Variants in BIN1 observed in about 807,000 individuals in gnomAD.
BIN1 encodes the protein myc box-dependent-interacting protein 1.
A neutral mutation model predicts 82.0 loss-of-function variants in BIN1; 53 were observed. The ratio of observed to expected loss-of-function variants is 0.65; its 90% CI spans 0.52 to 0.81. The LOEUF is 0.81. BIN1 is among the 40% of genes least tolerant of loss of function. BIN1 has a pLI of 0.00. For synonymous variants in BIN1, 302 were observed against 328.0 expected (o/e 0.92, Z 0.86); for missense variants, 642 against 784.4 (o/e 0.82, Z 2.17).
Position 127,048,247 on chromosome 2 carries a change from C to A in BIN1, c.*279G>T, listed in dbSNP as rs1272586418. ...CTCGGCAGCCCCCAGCCCCGCCCTGCGGCCAGGCACACATGCGGGCACAGG... is the reference window on the plus strand; with the variant it reads ...CTCGGCAGCCCCCAGCCCCGCCCTGAGGCCAGGCACACATGCGGGCACAGG... On this transcript the variant is annotated 3_prime_UTR_variant, in exon 19 of 19. Coordinates refer to ENST00000316724, the MANE Select transcript of BIN1 (RefSeq NM_139343.3). 4 of 449,474 alleles carry A rather than the reference C, an allele frequency of 8.9e-6. No homozygotes were observed. The highest frequency in any genetic ancestry group is 1.6e-5 in the Non-Finnish European group (4 of 242,472). The allele number at this position is 449,474 out of a possible 1,614,324, so 27.8% of individuals were successfully genotyped here. A position where few individuals can be genotyped will look rare whatever the true frequency, so the allele number is the denominator to read the frequency against.
chr2:127,069,275 C>T (rs1046865051), intron 5 of BIN1, among the ~76,000 whole-genome samples: 4 of 152,180 alleles, frequency 2.6e-5, no homozygotes, highest in African/African-American at 9.7e-5. Flanking sequence ...CAGCTGGTGA[C>T]GTGTCAGCCA....
intron 1 of BIN1, among the ~76,000 whole-genome samples, chr2:127,079,868 A>G (rs548828609): frequency 1.3e-5 from 2 of 152,278 alleles, no homozygotes; most frequent in African/African-American, 4.8e-5. Flanking sequence ...GGCTCCTCCC[A>G]GACAAAATGG....
chr2:127,073,909 C>G (rs1686252390), intron 2 of BIN1, among the ~76,000 whole-genome samples: 1 of 152,136 alleles, frequency 6.6e-6, no homozygotes, highest in Admixed American at 6.5e-5. Flanking sequence ...CCCATGGGCT[C>G]TCAGAGCAGG....
Position 127,059,181 on chromosome 2 carries a change from C to A in BIN1, c.858-26G>T. ...CTGTGGGGGAGGACAAGAAAGGGAG[C>A]CCAGTGTTGGGGGGCCAAGGCACAG... On this transcript the variant is annotated intron_variant, in intron 10 of 18. Coordinates refer to ENST00000316724, the MANE Select transcript of BIN1 (RefSeq NM_139343.3). This position sits in a 1 kb window ranked among gnomAD's most constrained non-coding sequence, Gnocchi z 6.7. 1 of 1,558,684 alleles carries A rather than the reference C, an allele frequency of 6.4e-7. No homozygotes were observed. The highest frequency in any genetic ancestry group is 1.9e-5 in the Admixed American group (1 of 51,998).
rs1685460534 is a variant in BIN1, at chr2:127,068,597, T to C, written c.519+327A>G. Among the ~76,000 whole-genome samples the C allele has an allele frequency of 6.6e-6, 1 of 152,138 alleles. No individual in the cohort carries two copies. The highest frequency in any genetic ancestry group is 6.5e-5 in the Admixed American group (1 of 15,290). ...TCGCTCCAGCCAGGGACAGGTCGCC[T>C]GGGATCGCGTGACGAATTCCACCCG... On this transcript the variant is annotated intron_variant, in intron 6 of 18. Transcript: ENST00000316724. This position sits in a 1 kb window ranked among gnomAD's most constrained non-coding sequence, Gnocchi z 4.9.
At chr2:127,077,659 T>G (rs6714626) in intron 1 of BIN1, among the ~76,000 whole-genome samples, 36,315 of 151,260 alleles carry the variant, frequency 0.24, 4,909 homozygotes, top group African/African-American at 0.36. Context: ...GGAGCGGTGG[T>G]GGGGCACGGT....
rs148945502 is a variant in BIN1, at chr2:127,057,557, C to T, written c.1047G>A (p.Pro349=). ...TCTGCTCCTGCTTGACTTCCTTGGA[C>T]GGGGTGTGTTTGGGAGGCGGAGGGA... ...PPVPPPPKHT[P]SKEVKQEQIL... The change falls in exon 12 of 19, where the codon CCG becomes CCA. Residue 349 remains proline, a synonymous_variant. Transcript: ENST00000316724. This position sits in a 1 kb window ranked among gnomAD's most constrained non-coding sequence, Gnocchi z 5.0. 103 of 1,543,466 alleles carry T rather than the reference C, an allele frequency of 6.7e-5. No individual in the cohort carries two copies. The highest frequency in any genetic ancestry group is 3.2e-4 in the Admixed American group (16 of 50,592).
intron 1 of BIN1, among the ~76,000 whole-genome samples, chr2:127,098,652 G>A (rs1295168688): frequency 6.6e-6 from 1 of 152,192 alleles, no homozygotes; most frequent in Non-Finnish European, 1.5e-5. Flanking sequence ...TGCAGGCCCG[G>A]GAAGCAGAGG....
rs1047811207 is a variant in BIN1, at chr2:127,067,983, T to C, written c.612+180A>G. Among the ~76,000 whole-genome samples, 1 of 152,042 alleles carries C rather than the reference T, an allele frequency of 6.6e-6. No individual in the cohort carries two copies. Among genetic ancestry groups the C allele is most frequent in the Non-Finnish European group, 1.5e-5 (1 of 68,004 alleles). ...GGTCACACAGAGCCCCTCAGCCGGTTCTTTGACCCCTACATTTGACTTCAG... is the reference window on the plus strand; with the variant it reads ...GGTCACACAGAGCCCCTCAGCCGGTCCTTTGACCCCTACATTTGACTTCAG... On this transcript the variant is annotated intron_variant, in intron 7 of 18. Transcript: ENST00000316724. This position sits in a 1 kb window ranked among gnomAD's most constrained non-coding sequence, Gnocchi z 4.7.
At chr2:127,095,208 G>A (rs921022778) in intron 1 of BIN1, among the ~76,000 whole-genome samples, 1 of 152,150 alleles carries the variant, frequency 6.6e-6, no homozygotes, top group South Asian at 2.1e-4. Context: ...CTCATTCCTC[G>A]TCCTGGAGTC....
chr2:127,054,320 C>T (rs898291207), intron 12 of BIN1: 3 of 418,884 alleles, frequency 7.2e-6, no homozygotes, highest in Non-Finnish European at 1.3e-5. Flanking sequence ...GCCGCCACCC[C>T]GCAGGGCCAG....
chr2:127,079,900 C>T (rs1336118354), intron 1 of BIN1, among the ~76,000 whole-genome samples: 1 of 152,232 alleles, frequency 6.6e-6, no homozygotes, highest in African/African-American at 2.4e-5. Context: ...ACAGAAAGCC[C>T]TCAGCCCTGA....
At chr2:127,072,621 GA>G (rs67215867) in intron 2 of BIN1, among the ~76,000 whole-genome samples, 85,792 of 148,894 alleles carry the variant, frequency 0.58, 25,645 homozygotes, top group African/African-American at 0.77. Flanking sequence ...GAGCATGTGT[GA>G]AAAAAAAAAA....
chr2:127,054,414 T>G, intron 12 of BIN1: 1 of 277,644 alleles, frequency 3.6e-6, no homozygotes, highest in South Asian at 3.8e-5. Context: ...CTCCGCTCCC[T>G]GCGCCAAGAG....
Position 127,054,013 on chromosome 2 carries a change from C to T in BIN1, c.1132-1G>A. 1 of 1,551,184 alleles carries T rather than the reference C, an allele frequency of 6.4e-7. No homozygotes were observed. Among genetic ancestry groups the T allele is most frequent in the African/African-American group, 1.4e-5 (1 of 73,138 alleles). On this transcript the variant is annotated splice_acceptor_variant, in intron 12 of 18. Coordinates refer to ENST00000316724, the MANE Select transcript of BIN1 (RefSeq NM_139343.3). LOFTEE classifies it high-confidence loss of function. ...CCGAGAAAGGCCCCGGGGCCTCAAACTTGGCAGCAGCAGCAGCAGCAGAGG... is the reference window on the plus strand; with the variant it reads ...CCGAGAAAGGCCCCGGGGCCTCAAATTTGGCAGCAGCAGCAGCAGCAGAGG...
Position 127,107,107 on chromosome 2 carries a change from C to G in BIN1, c.-164G>C, listed in dbSNP as rs1016854175. 7.6e-5 allele frequency: 55 copies of G among 727,732 alleles called. No individual in the cohort carries two copies. The highest frequency in any genetic ancestry group is 7.7e-6 in the Non-Finnish European group (4 of 517,084). 45.1% of individuals were successfully genotyped at this position (727,732 alleles called of 1,614,324 possible). The stretch of plus-strand genomic sequence containing the variant: ...TGACGGAGGCGGAGCGTGCGCCGGA[C>G]GGGCGAGCGAGCCAGCGAGCTAGCC... On this transcript the variant is annotated 5_prime_UTR_variant, in exon 1 of 19. Transcript: ENST00000316724. The surrounding 1 kb of genome is among the most constrained non-coding windows in gnomAD (Gnocchi z 5.9).
chr2:127,062,879 C>A (rs750314922), intron 9 of BIN1, among the ~76,000 whole-genome samples: 2 of 152,148 alleles, frequency 1.3e-5, no homozygotes, highest in Non-Finnish European at 2.9e-5. Flanking sequence ...GGCAGGAAAC[C>A]GTACTTAGAA....
chr2:127,060,617 C>A (rs117721706), intron 10 of BIN1: 2 of 1,614,208 alleles, frequency 1.2e-6, no homozygotes, highest in South Asian at 2.2e-5. Flanking sequence ...TCTGCGCAGC[C>A]GCGAAAACAG....
chr2:127,058,893 G>A (rs1338844380), intron 11 of BIN1, 118 bp downstream of exon 11: 12 of 1,436,480 alleles, frequency 8.4e-6, no homozygotes, highest in Middle Eastern at 2.5e-4. Flanking sequence ...GCAAAGCATC[G>A]GGTCCATAGC....
Sources: gnomAD v4.1 joint callset for allele counts (sites outside exome capture counted in the v4.1 genomes callset) on GRCh38, gnomAD v4.1.1 for gene constraint, Gnocchi (gnomAD v3.1) non-coding constraint, MANE v1.5 for transcripts, NCBI Gene and HGNC (gene_info 2026-07-23, HGNC 2026-07-21) for gene names.